The following HDAC9 variants were observed in gnomAD, a reference collection of about 807,000 sequenced individuals.
HDAC9 encodes the protein MEF-2 interacting transcription repressor (MITR) protein.
A neutral mutation model predicts 139.4 loss-of-function variants in HDAC9; 41 were observed. That is an observed-to-expected ratio of 0.29 (90% CI 0.23 to 0.38). HDAC9 has a LOEUF of 0.38. HDAC9 is among the 10% of genes least tolerant of loss of function. The probability of loss-of-function intolerance (pLI) is 1.00; values close to 1 mark genes in which losing one functional copy is unlikely to be tolerated. For synonymous variants in HDAC9, 517 were observed against 476.2 expected (o/e 1.09, Z -1.12); for missense variants, 1,147 against 1,297.0 (o/e 0.88, Z 1.78).
chr7:18,170,501 G>C (rs1405262156), intron 2 of HDAC9, among the ~76,000 whole-genome samples: 2 of 152,108 alleles, frequency 1.3e-5, no homozygotes, highest in Non-Finnish European at 1.5e-5. Flanking sequence ...CGGTGTTTTA[G>C]TCATGAAGTC....
At chr7:18,314,011 A>G (rs1799479618) in intron 1 of HDAC9, among the ~76,000 whole-genome samples, 1 of 152,198 alleles carries the variant, frequency 6.6e-6, no homozygotes, top group Admixed American at 6.5e-5. Flanking sequence ...GACAGAATCA[A>G]TACTCTTGTG....
At chr7:18,394,816 A>G (rs1786872833) in intron 1 of HDAC9, among the ~76,000 whole-genome samples, 1 of 152,136 alleles carries the variant, frequency 6.6e-6, no homozygotes, top group African/African-American at 2.4e-5. Context: ...TGTATGGAGG[A>G]GCGTGTCATT....
chr7:18,590,278 G>A (rs980686352), intron 3 of HDAC9, 58 bp from the exon 4 acceptor site: 1 of 1,576,330 alleles, frequency 6.3e-7, no homozygotes, highest in Admixed American at 1.8e-5. Context: ...GTTTTGGTCA[G>A]TGATGACTAT....
chr7:18,254,763 G>A (rs1301812218), intron 2 of HDAC9, among the ~76,000 whole-genome samples: 6 of 152,158 alleles, frequency 3.9e-5, no homozygotes, highest in Admixed American at 3.9e-4. Flanking sequence ...AAATCTGGCA[G>A]TTTAGAGCAC....
At chr7:18,960,693 A>G (rs1026851984) in intron 24 of HDAC9, among the ~76,000 whole-genome samples, 17 of 152,174 alleles carry the variant, frequency 1.1e-4, no homozygotes, top group African/African-American at 4.1e-4. Flanking sequence ...TAAAAGTAAA[A>G]TAAGACCGTA....
intron 2 of HDAC9, among the ~76,000 whole-genome samples, chr7:18,576,387 C>T (rs1399241454): frequency 3.9e-5 from 6 of 152,044 alleles, no homozygotes; most frequent in African/African-American, 9.7e-5. Context: ...AGGGGCCAGT[C>T]GGGCTGACTC....
intron 2 of HDAC9, among the ~76,000 whole-genome samples, chr7:18,270,866 A>G (rs961611626): frequency 4.6e-5 from 7 of 152,094 alleles, no homozygotes; most frequent in African/African-American, 7.2e-5. Context: ...GGATTTTTTC[A>G]TTTTTTAATG....
chr7:18,835,442 G>C, intron 19 of HDAC9, 25 bp from the exon 20 acceptor site: 1 of 1,603,722 alleles, frequency 6.2e-7, no homozygotes. Flanking sequence ...GACTGTATTT[G>C]TCGTCTGTTT....
intron 25 of HDAC9, among the ~76,000 whole-genome samples, chr7:18,985,555 C>T (rs1266208317): frequency 6.6e-6 from 1 of 151,264 alleles, no homozygotes; most frequent in African/African-American, 2.4e-5. Flanking sequence ...TTTAGAGCAG[C>T]ATGATTTATA....
intron 2 of HDAC9, among the ~76,000 whole-genome samples, chr7:18,265,147 T>C (rs302185): frequency 0.78 from 118,380 of 152,086 alleles, 46,206 homozygotes; most frequent in South Asian, 0.87. Context: ...TTTGAATTTA[T>C]ATTAAATGAT....
chr7:18,682,502 A>C (rs1023859784), intron 12 of HDAC9, among the ~76,000 whole-genome samples: 2 of 152,020 alleles, frequency 1.3e-5, no homozygotes, highest in Non-Finnish European at 2.9e-5. Context: ...CCATCCAAGA[A>C]AATTTGTTTT....
chr7:18,926,421 T>C (rs571571998), intron 22 of HDAC9, among the ~76,000 whole-genome samples: 1 of 152,208 alleles, frequency 6.6e-6, no homozygotes. Flanking sequence ...CATTTTGCAG[T>C]TGGCCTTTAA....
Position 18,829,476 on chromosome 7 carries a change from T to C in HDAC9, c.2394T>C (p.Phe798=). 1 of 1,611,276 alleles carries C rather than the reference T, an allele frequency of 6.2e-7. No individual in the cohort carries two copies. Among genetic ancestry groups the C allele is most frequent in the Non-Finnish European group, 8.5e-7 (1 of 1,177,626 alleles). The change falls in exon 19 of 26, where the codon TTT becomes TTC. Residue 798 remains phenylalanine, a synonymous_variant. Transcript: ENST00000686413. The part of the protein sequence containing the change: ...EESTAMGFCF[F]NSVAITAKYL... ...TATTCCGCAGGGGGTTCTGCTTTTTTAATTCAGTTGCAATTACCGCCAAAT... is the reference window on the plus strand; with the variant it reads ...TATTCCGCAGGGGGTTCTGCTTTTTCAATTCAGTTGCAATTACCGCCAAAT...
chr7:18,816,943 T>C (rs1794602974), intron 17 of HDAC9, among the ~76,000 whole-genome samples: 1 of 152,204 alleles, frequency 6.6e-6, no homozygotes, highest in Non-Finnish European at 1.5e-5. Flanking sequence ...AGAATTTTGA[T>C]TGTAATTTTT....
chr7:18,186,587 G>A (rs1789933708), intron 2 of HDAC9, among the ~76,000 whole-genome samples: 1 of 152,200 alleles, frequency 6.6e-6, no homozygotes, highest in South Asian at 2.1e-4. Flanking sequence ...AACATGAAGT[G>A]GCTTGAGGAA....
chr7:18,823,377 G>A (rs999943598), intron 17 of HDAC9, among the ~76,000 whole-genome samples: 3 of 152,302 alleles, frequency 2.0e-5, no homozygotes, highest in Middle Eastern at 6.8e-3. Flanking sequence ...TGATTGCTGG[G>A]CACCACGTAG....
intron 23 of HDAC9, among the ~76,000 whole-genome samples, chr7:18,952,866 T>C (rs928063982): frequency 2.0e-5 from 3 of 151,794 alleles, no homozygotes; most frequent in Non-Finnish European, 2.9e-5. Flanking sequence ...ATAAACCTTT[T>C]GATGTTTAAA....
intron 1 of HDAC9, among the ~76,000 whole-genome samples, chr7:18,149,286 A>T (rs975312611): frequency 4.6e-5 from 7 of 151,408 alleles, no homozygotes; most frequent in African/African-American, 1.7e-4. Flanking sequence ...AAAAGAAAAG[A>T]AAAAATAATT....
chr7:18,803,228 A>T (rs1386948473), intron 17 of HDAC9, among the ~76,000 whole-genome samples: 2 of 152,016 alleles, frequency 1.3e-5, no homozygotes, highest in Non-Finnish European at 2.9e-5. Flanking sequence ...TTTCCCACCA[A>T]CAATACAAGA....
Sources: gnomAD v4.1 joint callset for allele counts (sites outside exome capture counted in the v4.1 genomes callset) on GRCh38, gnomAD v4.1.1 for gene constraint, MANE v1.5 for transcripts, NCBI Gene and HGNC (gene_info 2026-07-23, HGNC 2026-07-21) for gene names.